Variants in TANC2 observed in about 807,000 individuals in gnomAD.
TANC2 encodes the protein tetratricopeptide repeat, ankyrin repeat and coiled-coil containing 2, also known as protein TANC2.
Under a neutral mutation model 210.5 loss-of-function variants are expected in TANC2, and 26 were observed. The ratio of observed to expected loss-of-function variants is 0.12; its 90% CI spans 0.09 to 0.17. The LOEUF is 0.17. Among genes scored for constraint, TANC2 ranks in the 10% least tolerant of loss-of-function variants. The pLI, the probability that TANC2 is intolerant of heterozygous loss-of-function variation, is 1.00. For synonymous variants in TANC2, 931 were observed against 967.1 expected, an observed-to-expected ratio of 0.96 and a Z score of 0.69; for missense variants, 2,129 against 2,608.9, an observed-to-expected ratio of 0.82 and a Z score of 4.01.
intron 1 of TANC2, among the ~76,000 whole-genome samples, chr17:62,994,027 G>A (rs2032992346): frequency 6.6e-6 from 1 of 152,132 alleles, no homozygotes; most frequent in Admixed American, 6.6e-5. Context: ...GTATTCTTTA[G>A]GATTTTCTAC....
intron 5 of TANC2, among the ~76,000 whole-genome samples, chr17:63,177,498 C>T (rs2040630177): frequency 6.6e-6 from 1 of 151,816 alleles, no homozygotes; most frequent in East Asian, 1.9e-4. Context: ...AGAATTTTAT[C>T]GTAGTCTGCT....
chr17:63,006,646 ACT>A (rs2033636003), intron 1 of TANC2, among the ~76,000 whole-genome samples: 1 of 152,182 alleles, frequency 6.6e-6, no homozygotes, highest in African/African-American at 2.4e-5. Context: ...TTCAAAATTT[ACT>A]GATACTTTAT....
intron 3 of TANC2, among the ~76,000 whole-genome samples, chr17:63,098,458 A>T (rs1445783605): frequency 2.0e-5 from 1 of 49,742 alleles, no homozygotes; most frequent in African/African-American, 1.1e-4. Flanking sequence ...ACACACACAC[A>T]CACACACACA....
chr17:63,340,025 C>A, intron 11 of TANC2, 76 bp from the exon 12 acceptor site: 3 of 1,057,254 alleles, frequency 2.8e-6, no homozygotes, highest in Non-Finnish European at 2.9e-6. Context: ...CTAGTATAAT[C>A]ACTCAATAGC....
intron 11 of TANC2, among the ~76,000 whole-genome samples, chr17:63,336,844 AT>A (rs553927734): frequency 6.8e-4 from 103 of 152,334 alleles, no homozygotes; most frequent in African/African-American, 2.4e-3. Flanking sequence ...TTACCTGCTG[AT>A]TTATTATGAG....
intron 7 of TANC2, among the ~76,000 whole-genome samples, chr17:63,211,787 T>TA (rs1480876318): frequency 2.0e-5 from 3 of 152,210 alleles, no homozygotes; most frequent in African/African-American, 7.2e-5. Context: ...CATGGTAGCA[T>TA]AGTAGATGCT....
At chr17:63,265,917 C>A (rs964372924) in intron 8 of TANC2, among the ~76,000 whole-genome samples, 1 of 151,938 alleles carries the variant, frequency 6.6e-6, no homozygotes, top group African/African-American at 2.4e-5. Context: ...CCTTTTAGTT[C>A]TTTTCACCTT....
At chr17:63,011,839 G>C (rs1220192690) in intron 2 of TANC2, among the ~76,000 whole-genome samples, 2 of 151,716 alleles carry the variant, frequency 1.3e-5, no homozygotes, top group Non-Finnish European at 2.9e-5. Flanking sequence ...ATATAGTTGA[G>C]TTTTCTTTTC....
intron 9 of TANC2, among the ~76,000 whole-genome samples, chr17:63,275,128 C>T (rs2043832539): frequency 6.6e-6 from 1 of 152,140 alleles, no homozygotes; most frequent in Non-Finnish European, 1.5e-5. Context: ...AAATTAACAA[C>T]AAATTATTAA....
intron 5 of TANC2, among the ~76,000 whole-genome samples, chr17:63,162,610 G>T: frequency 6.6e-6 from 1 of 152,008 alleles, no homozygotes. Context: ...AAATGAAGGG[G>T]TTGACTATGG....
At chr17:63,185,289 C>T (rs1003144384) in intron 5 of TANC2, among the ~76,000 whole-genome samples, 2 of 152,002 alleles carry the variant, frequency 1.3e-5, no homozygotes, top group Non-Finnish European at 1.5e-5. Context: ...GAAAGGGTTT[C>T]ACCATGTTGG....
intron 5 of TANC2, among the ~76,000 whole-genome samples, chr17:63,185,672 TTTTG>T (rs1018064679): frequency 1.3e-5 from 2 of 152,156 alleles, no homozygotes; most frequent in African/African-American, 2.4e-5. Context: ...TCAGATGCTA[TTTTG>T]TTTGTTTTGT....
intron 2 of TANC2, among the ~76,000 whole-genome samples, chr17:63,044,539 G>A (rs540610197): frequency 1.3e-5 from 2 of 152,038 alleles, no homozygotes; most frequent in East Asian, 3.9e-4. Context: ...TCTTTTTTGT[G>A]TGTGTGATCA....
Position 63,034,111 on chromosome 17 carries a change from G to A in TANC2, c.67+24485G>A, listed in dbSNP as rs1052149503. On this transcript the variant is annotated intron_variant, in intron 2 of 27. Coordinates refer to ENST00000689528, the Ensembl canonical transcript of TANC2. ...ATGTAGATGAAACAGCTTTGTATGG[G>A]AAGAAGATGCCATCTAGGACTTTGT... 5.3e-5 allele frequency among the ~76,000 whole-genome samples: 8 copies of A among 152,118 alleles called. 1 individual carries two copies. Among genetic ancestry groups the A allele is most frequent in the Non-Finnish European group, 1.0e-4 (7 of 68,024 alleles).
chr17:63,395,432 G>A (rs1368473659), intron 17 of TANC2, among the ~76,000 whole-genome samples: 1 of 152,186 alleles, frequency 6.6e-6, no homozygotes, highest in Non-Finnish European at 1.5e-5. Flanking sequence ...TATTTGAGGA[G>A]ACAAAGAAGA....
At chr17:63,222,720 AAC>A (rs58881477) in intron 7 of TANC2, among the ~76,000 whole-genome samples, 75,191 of 148,542 alleles carry the variant, frequency 0.51, 19,217 homozygotes, top group African/African-American at 0.61. Flanking sequence ...AAACTGATTA[AAC>A]ACACACACAC....
intron 7 of TANC2, among the ~76,000 whole-genome samples, chr17:63,232,247 A>G (rs149605868): frequency 1.9e-4 from 29 of 152,326 alleles, no homozygotes; most frequent in African/African-American, 4.3e-4. Flanking sequence ...TCTGAAGTCT[A>G]CTTCTGTCAA....
At chr17:63,399,005 G>A in intron 19 of TANC2, 91 bp downstream of exon 19, 2 of 929,784 alleles carry the variant, frequency 2.2e-6, no homozygotes, top group Non-Finnish European at 3.3e-6. Context: ...GCATACATTT[G>A]GCAGTCTTCT....
intron 1 of TANC2, among the ~76,000 whole-genome samples, chr17:62,999,749 A>G (rs2033285442): frequency 6.6e-6 from 1 of 152,180 alleles, no homozygotes; most frequent in Non-Finnish European, 1.5e-5. Flanking sequence ...TATATGCCCA[A>G]AGCAATGTAA....
Sources: allele counts gnomAD v4.1 joint callset (sites outside exome capture counted in the v4.1 genomes callset), GRCh38; gene constraint gnomAD v4.1.1; transcripts MANE v1.5; gene names NCBI Gene and HGNC (gene_info 2026-07-23, HGNC 2026-07-21).